The following DNAJC1 variants were observed in gnomAD, a reference collection of about 807,000 sequenced individuals.
DNAJC1 encodes the protein DnaJ heat shock protein family (Hsp40) member C1.
In DNAJC1, 58 loss-of-function variants were observed where a neutral mutation model predicts 76.6. The ratio of observed to expected loss-of-function variants is 0.76; its 90% CI spans 0.61 to 0.94. DNAJC1 has a LOEUF of 0.94. Among genes scored for constraint, DNAJC1 ranks in the 40% least tolerant of loss-of-function variants. The pLI, the probability that DNAJC1 is intolerant of heterozygous loss-of-function variation, is 0.00. For synonymous variants in DNAJC1, 258 were observed against 267.9 expected, an observed-to-expected ratio of 0.96 and a Z score of 0.36; for missense variants, 689 against 677.3, an observed-to-expected ratio of 1.02 and a Z score of -0.19.
At chr10:21,940,851 T>C (rs1196315489) in intron 1 of DNAJC1, among the ~76,000 whole-genome samples, 1 of 151,988 alleles carries the variant, frequency 6.6e-6, no homozygotes, top group Non-Finnish European at 1.5e-5. Flanking sequence ...GATCTTAGAC[T>C]AAATCTTGCC....
chr10:21,973,923 T>C (rs368922876), intron 1 of DNAJC1, among the ~76,000 whole-genome samples: 70 of 151,338 alleles, frequency 4.6e-4, no homozygotes, highest in African/African-American at 1.4e-3. Context: ...GGCAACATGG[T>C]GTAACCCCAT....
chr10:21,766,465 A>T (rs1430239733), intron 9 of DNAJC1, among the ~76,000 whole-genome samples, 156 bp from the exon 10 acceptor site: 1 of 152,228 alleles, frequency 6.6e-6, no homozygotes, highest in Non-Finnish European at 1.5e-5. Context: ...TAATGTAATT[A>T]ACAAGAAAAC....
chr10:21,807,151 AAAAG>A (rs1211827962), intron 8 of DNAJC1, among the ~76,000 whole-genome samples: 6 of 152,194 alleles, frequency 3.9e-5, no homozygotes, highest in Non-Finnish European at 7.3e-5. Context: ...AGAATAAAGA[AAAAG>A]AAAGAGGGAA....
intron 1 of DNAJC1, among the ~76,000 whole-genome samples, chr10:21,932,768 T>G (rs1837249437): frequency 6.6e-6 from 1 of 152,216 alleles, no homozygotes. Flanking sequence ...TCGTAAACAT[T>G]TAAAGGCAAA....
At chr10:21,821,676 A>C (rs1381995205) in intron 8 of DNAJC1, among the ~76,000 whole-genome samples, 1 of 152,218 alleles carries the variant, frequency 6.6e-6, no homozygotes, top group Non-Finnish European at 1.5e-5. Context: ...CATGATACTC[A>C]AAATGAACAT....
At chr10:21,887,727 A>G (rs1836391238) in intron 7 of DNAJC1, among the ~76,000 whole-genome samples, 1 of 152,202 alleles carries the variant, frequency 6.6e-6, no homozygotes, top group Admixed American at 6.6e-5. Context: ...ACCATACACA[A>G]AAATCAACTA....
intron 6 of DNAJC1, among the ~76,000 whole-genome samples, chr10:21,915,610 C>T (rs1180171591): frequency 6.6e-6 from 1 of 152,154 alleles, no homozygotes; most frequent in Non-Finnish European, 1.5e-5. Flanking sequence ...ATGTGCTTAA[C>T]TAATTTACTG....
chr10:21,918,275 A>G (rs185264556), intron 6 of DNAJC1, among the ~76,000 whole-genome samples: 7 of 151,952 alleles, frequency 4.6e-5, no homozygotes, highest in Non-Finnish European at 1.0e-4. Context: ...ACAGAAACTC[A>G]TTACCTGTAT....
chr10:22,002,493 T>C (rs1838535835), intron 1 of DNAJC1, among the ~76,000 whole-genome samples: 1 of 152,150 alleles, frequency 6.6e-6, no homozygotes, highest in Admixed American at 6.5e-5. Context: ...AAAAAACCCA[T>C]TCCTACATTA....
chr10:21,952,484 G>A (rs373300957), intron 1 of DNAJC1, among the ~76,000 whole-genome samples: 9 of 152,276 alleles, frequency 5.9e-5, no homozygotes, highest in East Asian at 1.9e-4. Flanking sequence ...TCAGGCAGGC[G>A]TGGTGGCTCA....
chr10:21,854,489 C>G (rs561044865), intron 8 of DNAJC1, among the ~76,000 whole-genome samples: 2 of 151,626 alleles, frequency 1.3e-5, no homozygotes, highest in East Asian at 3.9e-4. Context: ...AAAATAAAAT[C>G]TAATTAATTT....
chr10:21,909,532 C>T (rs577363315), intron 6 of DNAJC1, among the ~76,000 whole-genome samples: 1 of 152,166 alleles, frequency 6.6e-6, no homozygotes, highest in Admixed American at 6.5e-5. Flanking sequence ...TCACCCCCTA[C>T]CCCTGCCCCG....
At chr10:21,831,619 T>C (rs544734175) in intron 8 of DNAJC1, among the ~76,000 whole-genome samples, 3 of 151,870 alleles carry the variant, frequency 2.0e-5, no homozygotes, top group South Asian at 2.1e-4. Flanking sequence ...TGAAACCCCA[T>C]CTCTACTCAA....
At position 21,759,478 on chromosome 10, in the gene DNAJC1, A is replaced by C. The variant is rs540203529; in HGVS notation, c.1288T>G (p.Ser430Ala). 4.2e-5 allele frequency: 68 copies of C among 1,614,030 alleles called. 1 individual carries two copies. The South Asian group carries it at 6.2e-4, about 15-fold the overall frequency. The change falls in exon 11 of 12, where the codon TCC (serine) becomes GCC (alanine). Residue 430 changes from serine to alanine, a missense_variant. Physicochemically the swap from Ser to Ala is moderately conservative, Grantham distance 99. Coordinates refer to ENST00000376980, the MANE Select transcript of DNAJC1 (RefSeq NM_022365.4). ...VAAEEEQEGDSGEQETGATDA... is the reference protein window; with the variant it reads ...VAAEEEQEGDAGEQETGATDA... ...GTGGCCCCGGTCTCCTGCTCACCGGAGTCTCCCTCCTGCTCCTCCTCCGCT... is the reference window on the plus strand; with the variant it reads ...GTGGCCCCGGTCTCCTGCTCACCGGCGTCTCCCTCCTGCTCCTCCTCCGCT...
intron 9 of DNAJC1, among the ~76,000 whole-genome samples, chr10:21,799,664 T>G (rs1006112192): frequency 2.0e-4 from 31 of 152,114 alleles, no homozygotes; most frequent in African/African-American, 7.5e-4. Flanking sequence ...ATACTATCTA[T>G]TCTATGAAAC....
At chr10:21,834,201 T>C (rs535372155) in intron 8 of DNAJC1, among the ~76,000 whole-genome samples, 18 of 151,992 alleles carry the variant, frequency 1.2e-4, no homozygotes, top group African/African-American at 4.1e-4. Flanking sequence ...GAGGTGGAGC[T>C]TGCAGTGAGC....
At chr10:21,891,476 C>CAGAAAA (rs1806994439) in intron 7 of DNAJC1, among the ~76,000 whole-genome samples, 1 of 38,862 alleles carries the variant, frequency 2.6e-5, no homozygotes, top group African/African-American at 9.4e-5. Context: ...ACAAAGTAGA[C>CAGAAAA]AAAAAAAAAA....
At chr10:21,889,233 C>T (rs572408887) in intron 7 of DNAJC1, among the ~76,000 whole-genome samples, 9 of 152,222 alleles carry the variant, frequency 5.9e-5, no homozygotes, top group South Asian at 2.1e-4. Flanking sequence ...AGCTGCTACA[C>T]GCTTTTAAAC....
At chr10:21,772,854 G>C (rs2081688004) in intron 9 of DNAJC1, among the ~76,000 whole-genome samples, 1 of 152,112 alleles carries the variant, frequency 6.6e-6, no homozygotes, top group South Asian at 2.1e-4. Flanking sequence ...CAGGAAGCGT[G>C]GCAGCATCTG....
Sources: gnomAD v4.1 joint callset for allele counts (sites outside exome capture counted in the v4.1 genomes callset) on GRCh38, gnomAD v4.1.1 for gene constraint, MANE v1.5 for transcripts, NCBI Gene and HGNC (gene_info 2026-07-23, HGNC 2026-07-21) for gene names.